Variants in KCNMA1 observed in about 807,000 individuals in gnomAD.
KCNMA1 encodes potassium calcium-activated channel subfamily M alpha 1.
In KCNMA1, 29 loss-of-function variants were observed where a neutral mutation model predicts 140.0. The ratio of observed to expected loss-of-function variants is 0.21; its 90% CI spans 0.15 to 0.28. The LOEUF (loss-of-function observed/expected upper bound fraction) is 0.28. Among genes scored for constraint, KCNMA1 ranks in the 10% least tolerant of loss-of-function variants. The probability of loss-of-function intolerance (pLI) is 1.00; values close to 1 mark genes in which losing one functional copy is unlikely to be tolerated. For missense variants in KCNMA1, 880 were observed against 1,602.2 expected, an observed-to-expected ratio of 0.55 and a Z score of 7.70; for synonymous variants, 612 against 611.9, an observed-to-expected ratio of 1.00 and a Z score of 0.00.
intron 1 of KCNMA1, among the ~76,000 whole-genome samples, chr10:77,425,114 T>C (rs2096953550): frequency 1.7e-5 from 2 of 117,370 alleles, no homozygotes; most frequent in South Asian, 6.9e-4. Context: ...GATGAGTGGA[T>C]GGATGGATGG....
intron 2 of KCNMA1, among the ~76,000 whole-genome samples, chr10:77,333,736 G>A (rs2087634207): frequency 6.6e-6 from 1 of 152,202 alleles, no homozygotes; most frequent in Non-Finnish European, 1.5e-5. Context: ...CAGATGAGAT[G>A]CACTTGTGTT....
At chr10:77,478,315 T>C (rs2098320593) in intron 1 of KCNMA1, among the ~76,000 whole-genome samples, 2 of 152,162 alleles carry the variant, frequency 1.3e-5, no homozygotes, top group African/African-American at 2.4e-5. Flanking sequence ...GAACTACTTA[T>C]TAAAAAGAAG....
intron 1 of KCNMA1, among the ~76,000 whole-genome samples, chr10:77,468,887 T>C (rs1305680814): frequency 3.3e-5 from 5 of 152,168 alleles, no homozygotes; most frequent in Admixed American, 1.3e-4. Flanking sequence ...TACTTGTGAT[T>C]AGTACAGAGT....
chr10:77,237,560 C>T (rs11592698), intron 3 of KCNMA1, among the ~76,000 whole-genome samples: 19,216 of 152,236 alleles, frequency 0.13, 1,500 homozygotes, highest in Non-Finnish European at 0.17. Flanking sequence ...TGTGCTGAAG[C>T]CATGCTCCCA....
intron 23 of KCNMA1, among the ~76,000 whole-genome samples, chr10:76,919,612 G>A (rs1464932249): frequency 1.3e-5 from 2 of 152,022 alleles, no homozygotes; most frequent in African/African-American, 2.4e-5. Flanking sequence ...TAACAGCATG[G>A]GCTGTAAAGT....
At chr10:77,431,681 TAAAAAAAAA>T (rs71028276) in intron 1 of KCNMA1, among the ~76,000 whole-genome samples, 84 of 75,438 alleles carry the variant, frequency 1.1e-3, no homozygotes, top group African/African-American at 3.9e-3. Flanking sequence ...TGGTCTGTTG[TAAAAAAAAA>T]AAAAAAAAAA....
intron 19 of KCNMA1, among the ~76,000 whole-genome samples, chr10:76,993,548 T>C (rs909511380): frequency 5.3e-5 from 8 of 152,188 alleles, no homozygotes; most frequent in East Asian, 1.9e-4. Flanking sequence ...CTGCAGACTA[T>C]AGATCAAGTC....
chr10:77,171,400 C>CGTGTGTGTGTGTGTGTGTGTGTGTGT (rs60927086), intron 5 of KCNMA1, among the ~76,000 whole-genome samples: 4 of 128,932 alleles, frequency 3.1e-5, no homozygotes, highest in South Asian at 2.3e-4. Flanking sequence ...TGTGTGTGTG[C>CGTGTGTGTGTGTGTGTGTGTGTGTGT]GTGTGTGTGT....
At chr10:77,447,583 A>G (rs555936059) in intron 1 of KCNMA1, among the ~76,000 whole-genome samples, 3 of 152,366 alleles carry the variant, frequency 2.0e-5, no homozygotes, top group South Asian at 2.1e-4. Flanking sequence ...CATGAGGCCA[A>G]TGAAATAAAT....
At chr10:76,957,272 A>G (rs1488395340) in intron 20 of KCNMA1, among the ~76,000 whole-genome samples, 1 of 152,146 alleles carries the variant, frequency 6.6e-6, no homozygotes, top group Non-Finnish European at 1.5e-5. Flanking sequence ...AGGGCCAAAT[A>G]ATGGCACCTA....
chr10:77,185,403 A>G (rs776359084), intron 3 of KCNMA1, among the ~76,000 whole-genome samples: 3 of 151,960 alleles, frequency 2.0e-5, no homozygotes, highest in Non-Finnish European at 4.4e-5. Context: ...CCTTTTAAAA[A>G]CCATTAGTTG....
intron 21 of KCNMA1, among the ~76,000 whole-genome samples, chr10:76,953,486 G>A (rs1051413145): frequency 4.6e-5 from 7 of 152,040 alleles, no homozygotes; most frequent in African/African-American, 1.7e-4. Context: ...CTAATAATTG[G>A]TACAGGCAGG....
intron 2 of KCNMA1, among the ~76,000 whole-genome samples, chr10:77,374,701 AT>A (rs1365356934): frequency 6.6e-6 from 1 of 152,186 alleles, no homozygotes; most frequent in Admixed American, 6.5e-5. Flanking sequence ...GGTCTTTTCT[AT>A]CCCTTCTCTT....
chr10:76,956,804 A>G (rs2068510700), intron 20 of KCNMA1, among the ~76,000 whole-genome samples: 1 of 152,164 alleles, frequency 6.6e-6, no homozygotes, highest in Non-Finnish European at 1.5e-5. Flanking sequence ...GTATTTGGGT[A>G]GCATTAAGGA....
At chr10:77,318,438 C>T (rs985473783) in intron 2 of KCNMA1, among the ~76,000 whole-genome samples, 1 of 152,162 alleles carries the variant, frequency 6.6e-6, no homozygotes, top group Non-Finnish European at 1.5e-5. Context: ...TTACGGCTCA[C>T]ACCACCATGG....
intron 3 of KCNMA1, among the ~76,000 whole-genome samples, chr10:77,234,502 T>A (rs61868369): frequency 0.048 from 7,341 of 152,304 alleles, 214 homozygotes; most frequent in Non-Finnish European, 0.066. Flanking sequence ...AATTACGGAA[T>A]CAGCAGCAAT....
At chr10:77,442,404 C>T (rs1044591727) in intron 1 of KCNMA1, among the ~76,000 whole-genome samples, 6 of 152,084 alleles carry the variant, frequency 3.9e-5, no homozygotes, top group African/African-American at 1.4e-4. Context: ...CACATAAGCA[C>T]TCTCCTGCCC....
intron 14 of KCNMA1, among the ~76,000 whole-genome samples, chr10:77,066,842 G>T (rs1393820111): frequency 1.3e-5 from 2 of 152,034 alleles, no homozygotes; most frequent in African/African-American, 4.8e-5. Flanking sequence ...CTCTACTCTG[G>T]TACCACTAGT....
chr10:77,330,358 G>T (rs1210703374), intron 2 of KCNMA1, among the ~76,000 whole-genome samples: 1 of 152,186 alleles, frequency 6.6e-6, no homozygotes, highest in Non-Finnish European at 1.5e-5. Context: ...TCATCATTCT[G>T]TCAATTTTAG....
Sources: gnomAD v4.1 joint callset for allele counts (sites outside exome capture counted in the v4.1 genomes callset) on GRCh38, gnomAD v4.1.1 for gene constraint, MANE v1.5 for transcripts, NCBI Gene and HGNC (gene_info 2026-07-23, HGNC 2026-07-21) for gene names.